The following IL1RAPL1 variants were observed in gnomAD, a reference collection of about 807,000 sequenced individuals.
IL1RAPL1 encodes interleukin-1 receptor accessory protein-like 1.
In IL1RAPL1, 3 loss-of-function variants were observed where a neutral mutation model predicts 48.4. The ratio of observed to expected loss-of-function variants is 0.06; its 90% CI spans 0.03 to 0.16. The LOEUF is 0.16. Among genes scored for constraint, IL1RAPL1 ranks in the 10% least tolerant of loss-of-function variants. The probability of loss-of-function intolerance (pLI) is 1.00; values close to 1 mark genes in which losing one functional copy is unlikely to be tolerated. For missense variants in IL1RAPL1, 349 were observed against 530.6 expected, an observed-to-expected ratio of 0.66 and a Z score of 3.36; for synonymous variants, 185 against 187.7, an observed-to-expected ratio of 0.99 and a Z score of 0.12.
At chrX:29,663,624 T>C (rs1278347228) in intron 5 of IL1RAPL1, among the ~76,000 whole-genome samples, 2 of 112,385 alleles carry the variant, frequency 1.8e-5, no homozygotes, top group African/African-American at 6.5e-5. Flanking sequence ...CTTATAGTCC[T>C]GTACATTGCC....
At chrX:29,085,151 A>C (rs1927926447) in intron 2 of IL1RAPL1, among the ~76,000 whole-genome samples, 1 of 112,011 alleles carries the variant, frequency 8.9e-6, no homozygotes, top group Admixed American at 9.5e-5. Flanking sequence ...AGTACATAAT[A>C]ATAAAACTAA....
chrX:29,674,749 G>C (rs569559645), intron 6 of IL1RAPL1, among the ~76,000 whole-genome samples: 13 of 110,932 alleles, frequency 1.2e-4, no homozygotes, highest in African/African-American at 3.6e-4. Flanking sequence ...GCCCCAGTGT[G>C]TGTTGTTCCT....
At chrX:29,423,696 T>A (rs1477678656) in intron 5 of IL1RAPL1, among the ~76,000 whole-genome samples, 2 of 111,723 alleles carry the variant, frequency 1.8e-5, no homozygotes, top group Non-Finnish European at 3.8e-5. Flanking sequence ...TTAAGGCAGA[T>A]GAGAATTTGA....
chrX:28,616,329 G>T (rs970119505), intron 1 of IL1RAPL1, among the ~76,000 whole-genome samples: 2 of 111,961 alleles, frequency 1.8e-5, no homozygotes, highest in African/African-American at 6.5e-5. Flanking sequence ...ACGACTATTT[G>T]TTCCTGGATT....
chrX:29,333,657 C>T (rs1239725840), intron 3 of IL1RAPL1, among the ~76,000 whole-genome samples: 1 of 79,325 alleles, frequency 1.3e-5, no homozygotes, highest in African/African-American at 5.5e-5. Flanking sequence ...TAGGGGCGGC[C>T]GGGCAGAGGC....
intron 2 of IL1RAPL1, among the ~76,000 whole-genome samples, chrX:29,244,477 C>T (rs1375509602): frequency 1.8e-5 from 2 of 112,180 alleles, no homozygotes; most frequent in Admixed American, 1.9e-4. Context: ...GCATTCGGCT[C>T]ACCTCAGAAA....
intron 2 of IL1RAPL1, among the ~76,000 whole-genome samples, chrX:29,261,404 G>A (rs1931857262): frequency 9.0e-6 from 1 of 111,087 alleles, no homozygotes; most frequent in Admixed American, 9.6e-5. Flanking sequence ...TCAATTCCAT[G>A]CCTTAGGCTA....
intron 6 of IL1RAPL1, among the ~76,000 whole-genome samples, chrX:29,688,994 TC>T (rs1260342885): frequency 9.0e-6 from 1 of 111,462 alleles, no homozygotes; most frequent in East Asian, 2.8e-4. Context: ...TCCTGGTAGT[TC>T]CGAGAAAGCA....
At chrX:29,252,555 T>C (rs1173627736) in intron 2 of IL1RAPL1, among the ~76,000 whole-genome samples, 1 of 113,967 alleles carries the variant, frequency 8.8e-6, no homozygotes, top group Admixed American at 9.2e-5. Flanking sequence ...GCCTCCCCTT[T>C]ATTTTTATTT....
intron 5 of IL1RAPL1, among the ~76,000 whole-genome samples, chrX:29,494,464 T>C (rs1426397684): frequency 8.9e-6 from 1 of 112,012 alleles, no homozygotes; most frequent in Non-Finnish European, 1.9e-5. Flanking sequence ...TCTTTTGAAA[T>C]GTATATTGTT....
At chrX:29,058,332 A>G (rs1381024392) in intron 2 of IL1RAPL1, among the ~76,000 whole-genome samples, 1 of 106,266 alleles carries the variant, frequency 9.4e-6, no homozygotes, top group Non-Finnish European at 2.0e-5. Context: ...AGCTGAGATC[A>G]CACCACTGTA....
intron 2 of IL1RAPL1, among the ~76,000 whole-genome samples, chrX:29,028,858 G>A (rs752429491): frequency 9.0e-6 from 1 of 110,901 alleles, no homozygotes; most frequent in Non-Finnish European, 1.9e-5. Flanking sequence ...GGGGTGTGCC[G>A]GGAGGTGCAG....
chrX:29,104,169 C>T (rs1928401726), intron 2 of IL1RAPL1, among the ~76,000 whole-genome samples: 1 of 112,245 alleles, frequency 8.9e-6, no homozygotes, highest in Non-Finnish European at 1.9e-5. Context: ...GATATCTGCA[C>T]TCTCGTGTTT....
intron 2 of IL1RAPL1, among the ~76,000 whole-genome samples, chrX:29,025,989 G>A (rs949968491): frequency 2.7e-5 from 3 of 111,652 alleles, no homozygotes; most frequent in Admixed American, 1.9e-4. Flanking sequence ...TCTACTAAAG[G>A]TGATAAATAT....
At chrX:29,901,229 G>A (rs956504166) in intron 6 of IL1RAPL1, among the ~76,000 whole-genome samples, 1 of 112,112 alleles carries the variant, frequency 8.9e-6, no homozygotes. Flanking sequence ...GCCACATGTA[G>A]CTGCAAGAGA....
chrX:29,012,111 C>T (rs772498253), intron 2 of IL1RAPL1, among the ~76,000 whole-genome samples: 27 of 112,474 alleles, frequency 2.4e-4, no homozygotes, highest in Admixed American at 2.4e-3. Context: ...TCAAAAAGTT[C>T]ATGGAAAATG....
chrX:28,804,165 C>T (rs1377958435), intron 2 of IL1RAPL1, among the ~76,000 whole-genome samples: 3 of 111,263 alleles, frequency 2.7e-5, no homozygotes, highest in Non-Finnish European at 5.7e-5. Context: ...GTGCTATAGG[C>T]ATTGTCCTTT....
intron 5 of IL1RAPL1, among the ~76,000 whole-genome samples, chrX:29,517,132 C>G (rs1212060396): frequency 1.8e-5 from 2 of 110,526 alleles, no homozygotes; most frequent in Non-Finnish European, 3.8e-5. Flanking sequence ...TATCTTTTTC[C>G]TTTCTAGTTT....
In IL1RAPL1 at chrX:29,461,819, T is replaced by C. The variant is rs374430143; in HGVS notation, c.703+62511T>C. Among the ~76,000 whole-genome samples the C allele has an allele frequency of 3.6e-5, 4 of 112,030 alleles. No homozygotes were observed. The East Asian group carries it at 1.1e-3, about 31-fold the overall frequency. The stretch of plus-strand genomic sequence containing the variant: ...GACATTTCTAGAAAGGATAAAACTA[T>C]AGAGACAGAGGCAAAATCAGTGGGT... On this transcript the variant is annotated intron_variant, in intron 5 of 10. Transcript: ENST00000378993.
Sources: allele counts gnomAD v4.1 joint callset (sites outside exome capture counted in the v4.1 genomes callset), GRCh38; gene constraint gnomAD v4.1.1; transcripts MANE v1.5; gene names NCBI Gene and HGNC (gene_info 2026-07-23, HGNC 2026-07-21).